TANC2: variants seen among roughly 807,000 people sequenced by gnomAD.
TANC2 encodes protein TANC2.
TANC2 carries 26 observed loss-of-function variants against 210.5 expected under a neutral mutation model. The observed-to-expected ratio is 0.12, with a 90% confidence interval of 0.09 to 0.17. The LOEUF (loss-of-function observed/expected upper bound fraction) is 0.17. Among genes scored for constraint, TANC2 ranks in the 10% least tolerant of loss-of-function variants. TANC2 has a pLI of 1.00. For synonymous variants in TANC2, 931 were observed against 967.1 expected (o/e 0.96, Z 0.69); for missense variants, 2,129 against 2,608.9 (o/e 0.82, Z 4.01).
intron 5 of TANC2, among the ~76,000 whole-genome samples, chr17:63,155,633 T>C (rs1395397307): frequency 6.6e-6 from 1 of 152,180 alleles, no homozygotes; most frequent in African/African-American, 2.4e-5. Flanking sequence ...CAGGCTTTTA[T>C]CAACACCAAA....
chr17:63,270,970 A>G (rs560927255), intron 9 of TANC2, among the ~76,000 whole-genome samples: 1 of 152,248 alleles, frequency 6.6e-6, no homozygotes, highest in South Asian at 2.1e-4. Context: ...CTCCAGCCTC[A>G]TCCATGTTCC....
intron 17 of TANC2, among the ~76,000 whole-genome samples, chr17:63,392,429 A>G (rs1599017148): frequency 6.6e-6 from 1 of 152,124 alleles, no homozygotes; most frequent in South Asian, 2.1e-4. Context: ...AGTCATTGAC[A>G]TCTTTCCCTC....
At chr17:63,391,344 G>A (rs537536918) in intron 17 of TANC2, 2 of 152,208 alleles carry the variant, frequency 1.3e-5, no homozygotes, top group South Asian at 4.2e-4. Flanking sequence ...AATGAGAGAG[G>A]AGGCAACTCA....
intron 6 of TANC2, among the ~76,000 whole-genome samples, chr17:63,200,355 CAAAA>C (rs10598629): frequency 1.1e-5 from 1 of 93,762 alleles, no homozygotes; most frequent in Non-Finnish European, 2.1e-5. Context: ...AACTCTGTCT[CAAAA>C]AAAAAAAAAA....
intron 7 of TANC2, among the ~76,000 whole-genome samples, chr17:63,222,731 A>G (rs1229354900): frequency 1.3e-5 from 2 of 151,794 alleles, no homozygotes; most frequent in Non-Finnish European, 2.9e-5. Context: ...ACACACACAC[A>G]CACACACACA....
intron 8 of TANC2, among the ~76,000 whole-genome samples, chr17:63,245,890 A>T (rs2042904910): frequency 6.6e-6 from 1 of 151,686 alleles, no homozygotes. Context: ...TGCACCTGTA[A>T]TCCCAGCTGC....
At chr17:63,071,930 C>G (rs1220313901) in intron 2 of TANC2, among the ~76,000 whole-genome samples, 1 of 151,990 alleles carries the variant, frequency 6.6e-6, no homozygotes, top group African/African-American at 2.4e-5. Context: ...GGGTTAAAAT[C>G]CAGTTTCATT....
chr17:63,074,758 A>G (rs1038989033), intron 3 of TANC2, among the ~76,000 whole-genome samples: 11 of 152,164 alleles, frequency 7.2e-5, no homozygotes, highest in African/African-American at 2.7e-4. Flanking sequence ...CACTAAATAA[A>G]TGGTGAATGA....
intron 5 of TANC2, chr17:63,154,456 T>A (rs1196904450): frequency 6.6e-6 from 1 of 152,142 alleles, no homozygotes; most frequent in Non-Finnish European, 1.5e-5. Context: ...TGTTAGTGAT[T>A]TCAATAAAGC....
chr17:63,344,429 C>T (rs909085864), intron 12 of TANC2, among the ~76,000 whole-genome samples: 1 of 152,166 alleles, frequency 6.6e-6, no homozygotes, highest in African/African-American at 2.4e-5. Flanking sequence ...AGGTCAAGAG[C>T]AAGACAAGAG....
exon 10 of TANC2, chr17:63,314,607 T>A: frequency 6.2e-7 from 1 of 1,613,988 alleles, no homozygotes; most frequent in Non-Finnish European, 8.5e-7. Context: ...CTGGTGGCCC[T>A]CAGCTGCCAT....
intron 1 of TANC2, among the ~76,000 whole-genome samples, chr17:62,998,718 C>T (rs377691727): frequency 1.3e-5 from 2 of 152,142 alleles, no homozygotes; most frequent in East Asian, 1.9e-4. Flanking sequence ...GAATTCATTA[C>T]CATCAGACCT....
In TANC2 at chr17:63,299,858, A is replaced by G. The variant is rs149226137; in HGVS notation, c.1160-14530A>G. Among the ~76,000 whole-genome samples the G allele has an allele frequency of 2.6e-3, 393 of 152,252 alleles. 1 individual carries two copies. The highest frequency in any genetic ancestry group is 0.013 in the South Asian group (61 of 4,826). On this transcript the variant is annotated intron_variant, in intron 9 of 27. Coordinates refer to ENST00000689528, the Ensembl canonical transcript of TANC2. ...CATTTTTGTCATGAAGTCTTTGCCC[A>G]TGCCTATGTCCTGAATGGTATTGCC...
rs760469493 is a variant in TANC2 at position 63,405,267 on chromosome 17, G to A, written c.3465+12G>A. 11 of 1,552,988 alleles carry A rather than the reference G, an allele frequency of 7.1e-6. No homozygotes were observed. Among genetic ancestry groups the A allele is most frequent in the Middle Eastern group, 3.9e-4 (2 of 5,158 alleles). On this transcript the variant is annotated intron_variant, in intron 20 of 27. Transcript: ENST00000689528. ...AGGGCCACTGGCAGGTAAGCAGGGC[G>A]ACCACTTCCAGTCCCTCAGGCAGGA... is the stretch of plus-strand genomic sequence containing the variant.
intron 9 of TANC2, among the ~76,000 whole-genome samples, chr17:63,281,119 A>G (rs764369376): frequency 1.3e-5 from 2 of 152,152 alleles, no homozygotes; most frequent in Non-Finnish European, 2.9e-5. Flanking sequence ...GGCAGAAAGC[A>G]GATGGAAGTG....
At chr17:63,425,797 A>G (rs565865723) in exon 28 of TANC2, 4 of 152,288 alleles carry the variant, frequency 2.6e-5, no homozygotes, top group Non-Finnish European at 4.4e-5. Flanking sequence ...GGCTGGAAGA[A>G]GGTTGACCAG....
At chr17:63,288,917 A>G (rs2044303208) in intron 9 of TANC2, among the ~76,000 whole-genome samples, 1 of 152,124 alleles carries the variant, frequency 6.6e-6, no homozygotes, top group South Asian at 2.1e-4. Context: ...TGTCCAGGAA[A>G]GTCTTTATTT....
rs1432401407 is a variant in TANC2, at chr17:63,055,983, AAAAAAAAATATATATAT to A, written c.68-17958_68-17942del. ...TCTCTACCAAAAAAAAAAAAAAAAA[AAAAAAAAATATATATAT>A]ATATATATATATATATATATATATG... is the stretch of plus-strand genomic sequence containing the variant. On this transcript the variant is annotated intron_variant, in intron 2 of 27. Transcript: ENST00000689528. Among the ~76,000 whole-genome samples the A allele has an allele frequency of 2.1e-3, 47 of 22,206 alleles. 1 individual carries two copies. The highest frequency in any genetic ancestry group is 3.5e-3 in the Non-Finnish European group (31 of 8,892). The allele number at this position is 22,206 out of a possible 152,430, so 14.6% of individuals were successfully genotyped here.
chr17:63,076,162 A>G (rs2036565238), intron 3 of TANC2, among the ~76,000 whole-genome samples: 1 of 152,118 alleles, frequency 6.6e-6, no homozygotes, highest in Non-Finnish European at 1.5e-5. Flanking sequence ...CCTCCCCAAA[A>G]CCACCTAACC....
Sources: gnomAD v4.1 joint callset for allele counts (sites outside exome capture counted in the v4.1 genomes callset) on GRCh38, gnomAD v4.1.1 for gene constraint, MANE v1.5 for transcripts, NCBI Gene and HGNC (gene_info 2026-07-23, HGNC 2026-07-21) for gene names.